The following BIN3 variants were observed in gnomAD, a reference collection of about 807,000 sequenced individuals.
The protein encoded by BIN3 is bridging integrator 3.
BIN3 carries 41 observed loss-of-function variants against 38.2 expected under a neutral mutation model. The observed-to-expected ratio is 1.07, with a 90% CI of 0.84 to 1.39. The LOEUF (loss-of-function observed/expected upper bound fraction) is 1.39. Ranked by LOEUF, BIN3 falls within the 40% of genes most tolerant of loss-of-function variation. BIN3 has a pLI of 0.00. For synonymous variants in BIN3, 145 were observed against 122.6 expected (o/e 1.18, Z -1.21); for missense variants, 361 against 324.3 (o/e 1.11, Z -0.87).
intron 1 of BIN3, among the ~76,000 whole-genome samples, chr8:22,652,306 C>T (rs146575059): frequency 3.3e-5 from 5 of 152,312 alleles, no homozygotes; most frequent in East Asian, 3.9e-4. Flanking sequence ...TCTGAGCACA[C>T]GAACCATGTT....
intron 2 of BIN3, 199 bp downstream of exon 2, chr8:22,644,556 T>C: frequency 1.8e-6 from 1 of 563,814 alleles, no homozygotes; most frequent in Non-Finnish European, 3.2e-6. Flanking sequence ...CAGGCTAACC[T>C]TTCCTAGGGG....
At chr8:22,647,472 AC>A (rs1205044361) in intron 1 of BIN3, among the ~76,000 whole-genome samples, 1 of 152,130 alleles carries the variant, frequency 6.6e-6, no homozygotes, top group Non-Finnish European at 1.5e-5. Flanking sequence ...AGCAACCAGC[AC>A]CCCTGGTGTC....
intron 4 of BIN3, among the ~76,000 whole-genome samples, chr8:22,635,965 C>G (rs1010219508): frequency 3.3e-5 from 5 of 152,158 alleles, no homozygotes; most frequent in African/African-American, 1.2e-4. Context: ...AGCTCTCCAG[C>G]CAAGAAACCT....
At chr8:22,664,521 G>T (rs983198077) in intron 1 of BIN3, among the ~76,000 whole-genome samples, 3 of 152,212 alleles carry the variant, frequency 2.0e-5, no homozygotes, top group African/African-American at 7.2e-5. Flanking sequence ...CAGGACACAA[G>T]GACTTCCTCT....
At chr8:22,667,682 T>G (rs1440781386) in intron 1 of BIN3, among the ~76,000 whole-genome samples, 1 of 152,172 alleles carries the variant, frequency 6.6e-6, no homozygotes, top group Non-Finnish European at 1.5e-5. Flanking sequence ...AGCCCCTTAT[T>G]GGCCTCCTGG....
intron 2 of BIN3, 68 bp from the exon 3 acceptor site, chr8:22,637,030 C>T (rs1802389512): frequency 7.1e-7 from 1 of 1,418,306 alleles, no homozygotes; most frequent in East Asian, 2.3e-5. Flanking sequence ...TCCCAGCCTC[C>T]TGAAACTCTC....
chr8:22,644,301 T>C (rs1474846885), intron 2 of BIN3, among the ~76,000 whole-genome samples: 4 of 152,246 alleles, frequency 2.6e-5, no homozygotes, highest in Non-Finnish European at 5.9e-5. Flanking sequence ...TGGCCAAGAA[T>C]GCATTTGGAA....
intron 2 of BIN3, among the ~76,000 whole-genome samples, chr8:22,640,516 A>G (rs1333905946): frequency 3.3e-5 from 5 of 152,170 alleles, no homozygotes; most frequent in African/African-American, 9.7e-5. Context: ...CTTGCAGGAT[A>G]TGACAGCTGA....
intron 6 of BIN3, chr8:22,626,493 C>T (rs1312202533): frequency 4.6e-5 from 7 of 152,180 alleles, no homozygotes; most frequent in African/African-American, 1.7e-4. Flanking sequence ...CCCAAATGGC[C>T]AAGGGACCAC....
At chr8:22,626,711 A>G (rs965679627) in intron 6 of BIN3, among the ~76,000 whole-genome samples, 1 of 152,158 alleles carries the variant, frequency 6.6e-6, no homozygotes, top group African/African-American at 2.4e-5. Context: ...TCACATCCTC[A>G]GGAAGGAGGG....
intron 1 of BIN3, among the ~76,000 whole-genome samples, chr8:22,667,146 CT>C (rs1453531965): frequency 1.3e-5 from 2 of 152,288 alleles, no homozygotes; most frequent in Non-Finnish European, 2.9e-5. Flanking sequence ...CAAAGCCACC[CT>C]TCTGGCTGTG....
chr8:22,656,669 T>C (rs1803067041), intron 1 of BIN3, among the ~76,000 whole-genome samples: 1 of 152,224 alleles, frequency 6.6e-6, no homozygotes, highest in South Asian at 2.1e-4. Flanking sequence ...AAAGCAGCTA[T>C]TCTTGATTTC....
At chr8:22,645,604 C>T (rs369931279) in intron 1 of BIN3, among the ~76,000 whole-genome samples, 37 of 134,578 alleles carry the variant, frequency 2.7e-4, no homozygotes, top group Non-Finnish European at 4.9e-4. Context: ...GGAAGACACC[C>T]GCGAGGATGG....
At position 22,623,962 on chromosome 8, in the gene BIN3, G is replaced by A. The variant is rs750251598; in HGVS notation, c.568C>T (p.Arg190Cys). 9 of 1,611,362 alleles carry A rather than the reference G, an allele frequency of 5.6e-6. No individual in the cohort carries two copies. The highest frequency in any genetic ancestry group is 4.0e-5 in the African/African-American group (3 of 74,894). ...LEEMPRFYGS[R>C]LDYFQPSFES... ...AAGCTGGGCTGGAAGTAGTCGAGGC[G>A]GCTGCCGTAGAAGCGCGGCATCTCC... The change falls in exon 8 of 9, where the codon CGC (arginine) becomes TGC (cysteine). Residue 190 changes from arginine to cysteine, a missense_variant. By Grantham distance (180) the Arg-to-Cys change is radical. Coordinates refer to ENST00000276416, the MANE Select transcript of BIN3 (RefSeq NM_018688.6).
chr8:22,635,400 G>A (rs774175813), intron 4 of BIN3, among the ~76,000 whole-genome samples: 37 of 152,266 alleles, frequency 2.4e-4, no homozygotes, highest in African/African-American at 8.7e-4. Flanking sequence ...TCTGCTGAGT[G>A]AGAGGAAGTG....
At chr8:22,655,213 C>G (rs1236646043) in intron 1 of BIN3, among the ~76,000 whole-genome samples, 1 of 152,192 alleles carries the variant, frequency 6.6e-6, no homozygotes, top group Non-Finnish European at 1.5e-5. Flanking sequence ...GAAATATTTT[C>G]TCTCATCCAT....
rs78710084 is a variant in BIN3 at position 22,633,738 on chromosome 8, G to A, written c.160+2787C>T. 3.2e-3 allele frequency among the ~76,000 whole-genome samples: 487 copies of A among 152,330 alleles called. 2 individuals are homozygous for A. Among genetic ancestry groups the A allele is most frequent in the African/African-American group, 0.011 (470 of 41,576 alleles). Reference sequence around the variant, plus strand: ...GGAACTCCAGGGACACACATTTTCAGGTCTCGCCCAGCTCATGAGTTAGTT... The same window carrying A: ...GGAACTCCAGGGACACACATTTTCAAGTCTCGCCCAGCTCATGAGTTAGTT... On this transcript the variant is annotated intron_variant, in intron 4 of 8. Coordinates refer to ENST00000276416, the MANE Select transcript of BIN3 (RefSeq NM_018688.6).
intron 1 of BIN3, among the ~76,000 whole-genome samples, chr8:22,650,245 C>G (rs1161805906): frequency 6.6e-6 from 1 of 152,154 alleles, no homozygotes; most frequent in Non-Finnish European, 1.5e-5. Context: ...ACAAACTGCC[C>G]TAGAGACAGA....
rs369285518 is a variant in BIN3, at chr8:22,669,086, G to A, written c.-35C>T. ...CCTGCGTCTGCCGCCGGGGTCCTCA[G>A]CCACAACTCGTTTCTCTAGGGTCAC... On this transcript the variant is annotated 5_prime_UTR_variant, in exon 1 of 9. Coordinates refer to ENST00000276416, the MANE Select transcript of BIN3 (RefSeq NM_018688.6). 1.2e-5 allele frequency: 19 copies of A among 1,588,356 alleles called. No individual in the cohort carries two copies. The highest frequency in any genetic ancestry group is 2.7e-5 in the African/African-American group (2 of 74,364).
Sources: allele counts gnomAD v4.1 joint callset (sites outside exome capture counted in the v4.1 genomes callset), GRCh38; gene constraint gnomAD v4.1.1; transcripts MANE v1.5; gene names NCBI Gene and HGNC (gene_info 2026-07-23, HGNC 2026-07-21).